NAA25: variants seen among roughly 807,000 people sequenced by gnomAD.
The protein encoded by NAA25 is N-terminal acetyltransferase B complex subunit NAA25.
A neutral mutation model predicts 132.5 loss-of-function variants in NAA25; 30 were observed. The observed-to-expected ratio is 0.23, with a 90% confidence interval of 0.17 to 0.31. The LOEUF is 0.31. NAA25 is among the 10% of genes least tolerant of loss of function. The pLI, the probability that NAA25 is intolerant of heterozygous loss-of-function variation, is 1.00. For missense variants in NAA25, 771 were observed against 1,150.4 expected (o/e 0.67, Z 4.77); for synonymous variants, 359 against 401.9 (o/e 0.89, Z 1.28).
chr12:112,098,747 C>T (rs2079249848), intron 1 of NAA25, among the ~76,000 whole-genome samples: 1 of 152,128 alleles, frequency 6.6e-6, no homozygotes, highest in Non-Finnish European at 1.5e-5. Flanking sequence ...ATAATACTCA[C>T]AGTGAAAAAG....
intron 1 of NAA25, among the ~76,000 whole-genome samples, chr12:112,104,950 G>A (rs2079341267): frequency 6.6e-6 from 1 of 152,114 alleles, no homozygotes; most frequent in Non-Finnish European, 1.5e-5. Flanking sequence ...CCAGGAGGCA[G>A]AGGTTGCAGT....
chr12:112,041,040 G>A (rs976423269), intron 20 of NAA25, among the ~76,000 whole-genome samples: 6 of 151,950 alleles, frequency 3.9e-5, no homozygotes, highest in Admixed American at 6.6e-5. Context: ...ACCGAGCCAC[G>A]CTTGGTGGTG....
At chr12:112,082,884 G>T (rs2078993859) in intron 4 of NAA25, among the ~76,000 whole-genome samples, 1 of 152,090 alleles carries the variant, frequency 6.6e-6, no homozygotes, top group South Asian at 2.1e-4. Flanking sequence ...GGAGAAAAAT[G>T]AGTCTGAACA....
intron 11 of NAA25, among the ~76,000 whole-genome samples, chr12:112,066,599 T>C (rs1262328068): frequency 1.3e-5 from 2 of 152,186 alleles, no homozygotes; most frequent in Non-Finnish European, 2.9e-5. Flanking sequence ...CTCAACCATT[T>C]TTCCCTCTTA....
intron 9 of NAA25, among the ~76,000 whole-genome samples, chr12:112,073,261 TACACACAC>T (rs34053629): frequency 6.0e-5 from 9 of 148,780 alleles, no homozygotes; most frequent in East Asian, 2.0e-4. Context: ...AAAAATTAAA[TACACACAC>T]ACACACACAC....
chr12:112,090,639 G>A, intron 3 of NAA25, 87 bp downstream of exon 3: 1 of 1,363,678 alleles, frequency 7.3e-7, no homozygotes. Flanking sequence ...TTCAAATCAT[G>A]AGTGAGAAAT....
intron 5 of NAA25, among the ~76,000 whole-genome samples, chr12:112,080,699 CTA>C (rs944833376): frequency 5.3e-4 from 81 of 152,162 alleles, no homozygotes; most frequent in Non-Finnish European, 8.7e-4. Flanking sequence ...TGGGGTTTCA[CTA>C]TGTTGGTCAG....
chr12:112,038,045 G>A (rs1027320180), intron 22 of NAA25, among the ~76,000 whole-genome samples: 3 of 152,042 alleles, frequency 2.0e-5, no homozygotes, highest in Non-Finnish European at 4.4e-5. Flanking sequence ...ACGGAGTCTC[G>A]CTCTGTCATC....
chr12:112,107,647 G>T (rs764951892), intron 1 of NAA25, among the ~76,000 whole-genome samples: 2 of 151,782 alleles, frequency 1.3e-5, no homozygotes, highest in Non-Finnish European at 2.9e-5. Context: ...ACCGCCCCCC[G>T]CTCCCAAAAC....
Position 112,049,658 on chromosome 12 carries a change from CT to C in NAA25, c.1729-1216del. The C allele has an allele frequency of 1.0e-6, 1 of 985,278 alleles. No individual in the cohort carries two copies. The highest frequency in any genetic ancestry group is 1.2e-6 in the Non-Finnish European group (1 of 829,772). 61.0% of individuals were successfully genotyped at this position (985,278 alleles called of 1,614,324 possible). On this transcript the variant is annotated intron_variant, in intron 15 of 23. Transcript: ENST00000261745. The surrounding 1 kb of genome is among the most constrained non-coding windows in gnomAD (Gnocchi z 4.7). Reference sequence around the variant, plus strand: ...GGACACAAGAAAATTAAAAAGATTACTTGTGATCCTGCAGGTTTCAAGAAGG... The same window carrying C: ...GGACACAAGAAAATTAAAAAGATTACTGTGATCCTGCAGGTTTCAAGAAGG...
In NAA25 at chr12:112,049,077, T is replaced by C. The variant is rs2078427230; in HGVS notation, c.1729-634A>G. Among the ~76,000 whole-genome samples the C allele has an allele frequency of 1.3e-5, 2 of 152,234 alleles. No individual in the cohort carries two copies. Among genetic ancestry groups the C allele is most frequent in the South Asian group, 4.1e-4 (2 of 4,836 alleles). On this transcript the variant is annotated intron_variant, in intron 15 of 23. Transcript: ENST00000261745. The surrounding 1 kb of genome is among the most constrained non-coding windows in gnomAD (Gnocchi z 4.7). ...CTTCAAGAACCAAGTTTCTTGTCCA[T>C]CTACATTACGTAAGACCTCTGCTGG...
chr12:112,072,731 G>C (rs542805772), intron 9 of NAA25, among the ~76,000 whole-genome samples: 2 of 152,230 alleles, frequency 1.3e-5, no homozygotes, highest in East Asian at 3.9e-4. Context: ...TTGGGCCCAT[G>C]AGTTTGAGAC....
At chr12:112,060,208 A>G in intron 13 of NAA25, 62 bp downstream of exon 13, 3 of 1,038,056 alleles carry the variant, frequency 2.9e-6, no homozygotes, top group Non-Finnish European at 3.0e-6. Context: ...TAATGAAAGA[A>G]TGCAGTACTT....
chr12:112,030,594 A>G (rs1339908135), intron 23 of NAA25, among the ~76,000 whole-genome samples: 1 of 152,226 alleles, frequency 6.6e-6, no homozygotes, highest in Non-Finnish European at 1.5e-5. Context: ...CACAAAAAAC[A>G]AAAGGGAAGG....
At chr12:112,084,128 T>C (rs2079010528) in intron 4 of NAA25, among the ~76,000 whole-genome samples, 1 of 152,188 alleles carries the variant, frequency 6.6e-6, no homozygotes, top group Non-Finnish European at 1.5e-5. Context: ...AGAATGAGAA[T>C]GTCATTTACA....
intron 7 of NAA25, among the ~76,000 whole-genome samples, chr12:112,076,697 T>TAA (rs1158237412): frequency 1.4e-5 from 2 of 143,558 alleles, no homozygotes; most frequent in Admixed American, 7.0e-5. Flanking sequence ...TAATGTAGTT[T>TAA]AAAAAAAAAA....
At chr12:112,092,644 A>AT (rs1310020780) in intron 2 of NAA25, among the ~76,000 whole-genome samples, 1 of 151,868 alleles carries the variant, frequency 6.6e-6, no homozygotes, top group Non-Finnish European at 1.5e-5. Flanking sequence ...AAAGACACTA[A>AT]TAGTCACTAA....
chr12:112,048,260 T>G (rs1489679545), intron 16 of NAA25, 32 bp downstream of exon 16: 1 of 1,597,772 alleles, frequency 6.3e-7, no homozygotes, highest in Non-Finnish European at 8.6e-7. Flanking sequence ...TCTAATCCCT[T>G]AGTTCCTTTA....
chr12:112,088,222 A>G (rs1362655181), intron 3 of NAA25, among the ~76,000 whole-genome samples: 1 of 152,068 alleles, frequency 6.6e-6, no homozygotes, highest in African/African-American at 2.4e-5. Flanking sequence ...CTGAACTGTA[A>G]GACTTTCTCT....
Sources: gnomAD v4.1 joint callset for allele counts (sites outside exome capture counted in the v4.1 genomes callset) on GRCh38, gnomAD v4.1.1 for gene constraint, Gnocchi (gnomAD v3.1) non-coding constraint, MANE v1.5 for transcripts, NCBI Gene and HGNC (gene_info 2026-07-23, HGNC 2026-07-21) for gene names.